Variants in GRID1 observed in about 807,000 individuals in gnomAD.
GRID1 encodes glutamate ionotropic receptor delta type subunit 1.
Under a neutral mutation model 98.0 loss-of-function variants are expected in GRID1, and 28 were observed. That is an observed-to-expected ratio of 0.29 (90% CI 0.21 to 0.39). The LOEUF is 0.39. Among genes scored for constraint, GRID1 ranks in the 10% least tolerant of loss-of-function variants. GRID1 has a pLI of 1.00. For missense variants in GRID1, 1,111 were observed against 1,340.5 expected (o/e 0.83, Z 2.67); for synonymous variants, 553 against 538.5 (o/e 1.03, Z -0.37).
chr10:85,748,543 A>G (rs1164234043), intron 8 of GRID1, among the ~76,000 whole-genome samples: 1 of 152,206 alleles, frequency 6.6e-6, no homozygotes, highest in Non-Finnish European at 1.5e-5. Flanking sequence ...GGCAGACTTC[A>G]GTTTGAATCC....
At chr10:86,020,620 G>A (rs1043178932) in intron 4 of GRID1, among the ~76,000 whole-genome samples, 15 of 152,200 alleles carry the variant, frequency 9.9e-5, no homozygotes, top group African/African-American at 3.6e-4. Context: ...AGATGGAGTG[G>A]GGAGAGTGGA....
At chr10:86,188,307 C>T (rs1845753709) in intron 3 of GRID1, among the ~76,000 whole-genome samples, 1 of 152,244 alleles carries the variant, frequency 6.6e-6, no homozygotes, top group Admixed American at 6.5e-5. Flanking sequence ...TATGCTGATG[C>T]CATCCCCATG....
At chr10:85,865,929 A>G (rs1843212736) in intron 6 of GRID1, among the ~76,000 whole-genome samples, 1 of 114,052 alleles carries the variant, frequency 8.8e-6, no homozygotes, top group South Asian at 3.1e-4. Flanking sequence ...ATATATATAT[A>G]TATATATATA....
chr10:85,974,085 A>G (rs1258760696), intron 4 of GRID1, among the ~76,000 whole-genome samples: 1 of 152,168 alleles, frequency 6.6e-6, no homozygotes, highest in Middle Eastern at 3.2e-3. Flanking sequence ...ATCAGAGTAG[A>G]TGGGTAGGTG....
intron 4 of GRID1, among the ~76,000 whole-genome samples, chr10:86,105,815 G>A (rs774154684): frequency 6.6e-6 from 1 of 152,162 alleles, no homozygotes; most frequent in Non-Finnish European, 1.5e-5. Flanking sequence ...GGAAAAGCAC[G>A]GGCACTGTGC....
At chr10:86,080,827 C>T (rs1005961368) in intron 4 of GRID1, among the ~76,000 whole-genome samples, 3 of 152,092 alleles carry the variant, frequency 2.0e-5, no homozygotes, top group Non-Finnish European at 4.4e-5. Flanking sequence ...GAATTTGGAC[C>T]GCCAGATTTT....
intron 2 of GRID1, among the ~76,000 whole-genome samples, chr10:86,257,653 T>C (rs1846943353): frequency 6.6e-6 from 1 of 152,176 alleles, no homozygotes; most frequent in Non-Finnish European, 1.5e-5. Context: ...TGAGATCCAT[T>C]CTGGGCTCTA....
At chr10:85,661,919 G>A (rs929118130) in intron 12 of GRID1, among the ~76,000 whole-genome samples, 19 of 152,148 alleles carry the variant, frequency 1.2e-4, no homozygotes, top group African/African-American at 4.6e-4. Context: ...ACCCTCAAAG[G>A]ACTGTATTAT....
At chr10:85,872,195 A>G (rs926608538) in intron 5 of GRID1, among the ~76,000 whole-genome samples, 3 of 152,172 alleles carry the variant, frequency 2.0e-5, no homozygotes, top group Non-Finnish European at 4.4e-5. Flanking sequence ...GAGACAAAGT[A>G]AGAATATAAG....
intron 2 of GRID1, among the ~76,000 whole-genome samples, chr10:86,221,105 G>C (rs11201946): frequency 6.6e-6 from 1 of 152,100 alleles, no homozygotes; most frequent in African/African-American, 2.4e-5. Flanking sequence ...GCCCTGGGAC[G>C]TTACCATCTC....
At chr10:86,113,135 ACT>A (rs1300678877) in intron 4 of GRID1, among the ~76,000 whole-genome samples, 1 of 151,936 alleles carries the variant, frequency 6.6e-6, no homozygotes, top group Admixed American at 6.6e-5. Context: ...CTTCTTAAAG[ACT>A]CTTCACAGAT....
chr10:86,265,514 G>A (rs1296128187), intron 2 of GRID1, among the ~76,000 whole-genome samples: 1 of 152,242 alleles, frequency 6.6e-6, no homozygotes, highest in East Asian at 1.9e-4. Flanking sequence ...TTTGAATCCA[G>A]ATGTGTCTGA....
At chr10:85,671,586 C>T (rs1841086155) in intron 12 of GRID1, among the ~76,000 whole-genome samples, 1 of 152,082 alleles carries the variant, frequency 6.6e-6, no homozygotes, top group Admixed American at 6.5e-5. Flanking sequence ...TTCCCCAACA[C>T]ACAACAATAT....
Position 86,195,805 on chromosome 10 carries a change from C to G in GRID1, c.520+10559G>C, listed in dbSNP as rs1053274751. Reference sequence around the variant, plus strand: ...TTGTCACCACTCCCAGAGCCTTCCACAGAAAATACGGGGCAGGCAGCTGCC... The same window carrying G: ...TTGTCACCACTCCCAGAGCCTTCCAGAGAAAATACGGGGCAGGCAGCTGCC... On this transcript the variant is annotated intron_variant, in intron 3 of 15. Coordinates refer to ENST00000327946, the MANE Select transcript of GRID1 (RefSeq NM_017551.3). This position sits in a 1 kb window ranked among gnomAD's most constrained non-coding sequence, Gnocchi z 4.4. Among the ~76,000 whole-genome samples, 1 of 152,142 alleles carries G rather than the reference C, an allele frequency of 6.6e-6. No homozygotes were observed. Among genetic ancestry groups the G allele is most frequent in the Non-Finnish European group, 1.5e-5 (1 of 67,982 alleles).
rs542656037 is a variant in GRID1 at position 85,932,232 on chromosome 10, A to C, written c.727-15993T>G. On this transcript the variant is annotated intron_variant, in intron 4 of 15. Transcript: ENST00000327946. ...CTTCCATCCACTTTTTTAAAAATTG[A>C]GACAGGGTCTCCCTCTATCACCCAG... Among the ~76,000 whole-genome samples, 7 of 152,270 alleles carry C rather than the reference A, an allele frequency of 4.6e-5. No individual in the cohort carries two copies. The South Asian group carries it at 8.3e-4, about 18-fold the overall frequency.
At chr10:86,245,942 G>A (rs1174544853) in intron 2 of GRID1, among the ~76,000 whole-genome samples, 2 of 152,262 alleles carry the variant, frequency 1.3e-5, no homozygotes, top group Non-Finnish European at 2.9e-5. Context: ...CCTCCCTGAG[G>A]CAGATGTCAA....
intron 2 of GRID1, among the ~76,000 whole-genome samples, chr10:86,276,198 A>G (rs1345806186): frequency 6.6e-6 from 1 of 152,188 alleles, no homozygotes; most frequent in East Asian, 1.9e-4. Flanking sequence ...CCTTGTAAGG[A>G]CTTTGAGAGA....
At chr10:85,663,716 C>T (rs1391435436) in intron 12 of GRID1, among the ~76,000 whole-genome samples, 1 of 152,180 alleles carries the variant, frequency 6.6e-6, no homozygotes, top group Non-Finnish European at 1.5e-5. Context: ...TCTCCAGAGC[C>T]TGACACAATG....
At chr10:85,958,440 G>T (rs563273978) in intron 4 of GRID1, among the ~76,000 whole-genome samples, 6 of 151,952 alleles carry the variant, frequency 3.9e-5, no homozygotes, top group Admixed American at 1.3e-4. Context: ...CAGACATTTG[G>T]CTGAATATTA....
Sources: gnomAD v4.1 joint callset for allele counts (sites outside exome capture counted in the v4.1 genomes callset) on GRCh38, gnomAD v4.1.1 for gene constraint, Gnocchi (gnomAD v3.1) non-coding constraint, MANE v1.5 for transcripts, NCBI Gene and HGNC (gene_info 2026-07-23, HGNC 2026-07-21) for gene names.